LRRC37A2: variants seen among roughly 807,000 people sequenced by gnomAD.
The protein encoded by LRRC37A2 is leucine-rich repeat-containing protein 37A2.
In LRRC37A2, 9 loss-of-function variants were observed where a neutral mutation model predicts 68.8. The observed-to-expected ratio is 0.13, with a 90% CI of 0.08 to 0.23. The LOEUF (loss-of-function observed/expected upper bound fraction) is 0.23, where lower values mean the gene tolerates loss of function less well. Among genes scored for constraint, LRRC37A2 ranks in the 10% least tolerant of loss-of-function variants. LRRC37A2 has a pLI of 1.00. For missense variants in LRRC37A2, 168 were observed against 950.4 expected (o/e 0.18, Z 10.82); for synonymous variants, 63 against 367.6 (o/e 0.17, Z 9.48).
At chr17:46,775,959 C>T in the LRRC37A2 span, among the ~76,000 whole-genome samples, 1 of 152,216 alleles carries the variant, frequency 6.6e-6, no homozygotes, top group African/African-American at 2.4e-5. Flanking sequence ...CTGATTTCCC[C>T]GGTGCCTGGC....
chr17:46,899,646 T>C, the LRRC37A2 span, among the ~76,000 whole-genome samples: 1 of 152,048 alleles, frequency 6.6e-6, no homozygotes, highest in African/African-American at 2.4e-5. Context: ...CTAGTAGGTA[T>C]GGGTTTTGGG....
chr17:46,852,970 T>A, the LRRC37A2 span, among the ~76,000 whole-genome samples: 1 of 152,126 alleles, frequency 6.6e-6, no homozygotes, highest in Non-Finnish European at 1.5e-5. Flanking sequence ...GGGCTTAGCT[T>A]GCTAATGATA....
the LRRC37A2 span, among the ~76,000 whole-genome samples, chr17:46,771,773 G>A: frequency 1.4e-5 from 2 of 141,648 alleles, no homozygotes; most frequent in Non-Finnish European, 3.1e-5. Context: ...GCGCCGCGCC[G>A]CGCCGCGCCG....
At chr17:46,588,911 T>C in the LRRC37A2 span, among the ~76,000 whole-genome samples, 1 of 121,092 alleles carries the variant, frequency 8.3e-6, no homozygotes, top group South Asian at 2.6e-4. Context: ...CTGGGTGTGG[T>C]GGCAGGCGCC....
chr17:46,773,818 A>G, the LRRC37A2 span: 3 of 1,613,518 alleles, frequency 1.9e-6, no homozygotes, highest in South Asian at 2.2e-5. Flanking sequence ...TTGCGGCAGA[A>G]GCGCAGTTGC....
At chr17:46,926,684 A>G in the LRRC37A2 span, among the ~76,000 whole-genome samples, 1 of 152,206 alleles carries the variant, frequency 6.6e-6, no homozygotes, top group Non-Finnish European at 1.5e-5. Context: ...CACTTGGCAT[A>G]TTAGTAGTTC....
the LRRC37A2 span, among the ~76,000 whole-genome samples, chr17:46,883,473 C>T: frequency 9.2e-5 from 14 of 151,886 alleles, no homozygotes; most frequent in African/African-American, 2.7e-4. Context: ...TTAGTAGAGA[C>T]GGGGTTTCAC....
the LRRC37A2 span, among the ~76,000 whole-genome samples, chr17:46,879,648 A>G: frequency 6.6e-6 from 1 of 151,938 alleles, no homozygotes; most frequent in African/African-American, 2.4e-5. Context: ...GCTCAAAGTC[A>G]CACCTAAGAG....
chr17:46,893,776 G>A, the LRRC37A2 span, among the ~76,000 whole-genome samples: 1 of 152,212 alleles, frequency 6.6e-6, no homozygotes, highest in South Asian at 2.1e-4. Context: ...GTCGGCAAAA[G>A]AAAGAAGCAA....
chr17:46,728,510 T>C, the LRRC37A2 span, among the ~76,000 whole-genome samples: 1 of 151,938 alleles, frequency 6.6e-6, no homozygotes, highest in Non-Finnish European at 1.5e-5. Context: ...CAACCTATAA[T>C]CCCAGCTACC....
the LRRC37A2 span, among the ~76,000 whole-genome samples, chr17:46,864,115 C>T: frequency 6.6e-6 from 1 of 152,242 alleles, no homozygotes; most frequent in East Asian, 1.9e-4. Context: ...CCTGAGCCTG[C>T]CTGTGCGTGG....
the LRRC37A2 span, among the ~76,000 whole-genome samples, chr17:46,866,366 G>GT: frequency 1.3e-5 from 2 of 152,064 alleles, no homozygotes; most frequent in East Asian, 3.9e-4. Context: ...GTGTGTGTGA[G>GT]TGTGTATGTG....
At chr17:46,898,598 G>A in the LRRC37A2 span, among the ~76,000 whole-genome samples, 6,633 of 152,270 alleles carry the variant, frequency 0.044, 469 homozygotes, top group African/African-American at 0.15. Flanking sequence ...CTAGGGCCAG[G>A]AGGAAAGATA....
At chr17:46,866,698 G>A in the LRRC37A2 span, among the ~76,000 whole-genome samples, 15 of 152,190 alleles carry the variant, frequency 9.9e-5, no homozygotes, top group Middle Eastern at 6.8e-3. Context: ...TGGCCCTGGC[G>A]TAATGCACTA....
chr17:46,969,667 G>A, the LRRC37A2 span, among the ~76,000 whole-genome samples: 1 of 152,222 alleles, frequency 6.6e-6, no homozygotes, highest in Non-Finnish European at 1.5e-5. Context: ...GTGCTTGGTG[G>A]ATAAATGCCT....
chr17:47,018,724 C>G, the LRRC37A2 span: 7 of 1,520,644 alleles, frequency 4.6e-6, no homozygotes, highest in Non-Finnish European at 6.4e-6. Flanking sequence ...GAGGGTGAAT[C>G]TTCCCTAACC....
At chr17:46,802,733 G>A in the LRRC37A2 span, among the ~76,000 whole-genome samples, 4 of 152,310 alleles carry the variant, frequency 2.6e-5, no homozygotes, top group South Asian at 2.1e-4. Context: ...AAGTGCTTCC[G>A]GATAGCGGAA....
At chr17:47,007,069 C>A in the LRRC37A2 span, among the ~76,000 whole-genome samples, 1 of 152,196 alleles carries the variant, frequency 6.6e-6, no homozygotes, top group Admixed American at 6.5e-5. Context: ...CAGTATTAAC[C>A]CTTTTCCCAT....
At chr17:47,019,526 T>C in the LRRC37A2 span, 2,513 of 1,519,524 alleles carry the variant, frequency 1.7e-3, 9 homozygotes, top group Non-Finnish European at 1.8e-3. Context: ...CTCATCCAGA[T>C]CAGCTTCAGA....
Sources: allele counts gnomAD v4.1 joint callset (sites outside exome capture counted in the v4.1 genomes callset), GRCh38; gene constraint gnomAD v4.1.1; transcripts MANE v1.5; gene names NCBI Gene and HGNC (gene_info 2026-07-23, HGNC 2026-07-21).